Variants in COBL observed in about 807,000 individuals in gnomAD.
COBL encodes cordon-bleu WH2 repeat protein, also known as protein cordon-bleu.
COBL carries 51 observed loss-of-function variants against 98.8 expected under a neutral mutation model. That is an observed-to-expected ratio of 0.52 (90% CI 0.41 to 0.65). COBL has a LOEUF of 0.65. COBL is among the 30% of genes least tolerant of loss of function. The pLI is 0.00. For synonymous variants in COBL, 634 were observed against 651.7 expected, an observed-to-expected ratio of 0.97 and a Z score of 0.41; for missense variants, 1,617 against 1,617.5, an observed-to-expected ratio of 1.00 and a Z score of 0.01.
At chr7:51,074,191 ATT>A (rs369421469) in intron 7 of COBL, among the ~76,000 whole-genome samples, 775 of 100,462 alleles carry the variant, frequency 7.7e-3, no homozygotes, top group African/African-American at 0.019. Flanking sequence ...CAAGGTAATG[ATT>A]TTTTTTTTTT....
chr7:51,176,123 C>T (rs1172974440), intron 5 of COBL, among the ~76,000 whole-genome samples: 1 of 152,136 alleles, frequency 6.6e-6, no homozygotes. Context: ...TGAAGTTTTT[C>T]TGGTGGCTCT....
At chr7:51,307,173 C>T (rs978435363) in intron 1 of COBL, among the ~76,000 whole-genome samples, 2 of 151,894 alleles carry the variant, frequency 1.3e-5, no homozygotes, top group African/African-American at 2.4e-5. Context: ...GGTGAAACCC[C>T]GGCTCTACTA....
intron 4 of COBL, among the ~76,000 whole-genome samples, chr7:51,189,192 TA>T (rs1353968494): frequency 6.6e-6 from 1 of 152,196 alleles, no homozygotes; most frequent in Non-Finnish European, 1.5e-5. Flanking sequence ...CCATGTATCT[TA>T]TACTCAACTG....
chr7:51,234,716 AAAAG>A (rs1554440870), intron 1 of COBL, among the ~76,000 whole-genome samples: 40 of 151,328 alleles, frequency 2.6e-4, no homozygotes, highest in South Asian at 8.6e-4. Flanking sequence ...AAAAAAAAAA[AAAAG>A]AAAGAAAGAA....
At chr7:51,316,490 G>T (rs962716750) in intron 1 of COBL, 103 bp downstream of exon 1, 7 of 854,452 alleles carry the variant, frequency 8.2e-6, no homozygotes, top group Admixed American at 9.3e-5. Flanking sequence ...CACCCGCTGG[G>T]GCGGCAGAGA....
chr7:51,158,305 C>T (rs1484545993), intron 5 of COBL, among the ~76,000 whole-genome samples: 1 of 152,042 alleles, frequency 6.6e-6, no homozygotes, highest in Non-Finnish European at 1.5e-5. Context: ...GGAGAAGAGA[C>T]CCTCAAGGTG....
chr7:51,103,494 C>T (rs1795992504), intron 6 of COBL, among the ~76,000 whole-genome samples: 2 of 152,066 alleles, frequency 1.3e-5, no homozygotes, highest in Non-Finnish European at 2.9e-5. Context: ...TTCTCTCCGC[C>T]CTTTTTTGGT....
chr7:51,170,537 A>G (rs926386995), intron 5 of COBL, among the ~76,000 whole-genome samples: 1 of 147,726 alleles, frequency 6.8e-6, no homozygotes, highest in African/African-American at 2.5e-5. Context: ...ATATAAATAT[A>G]TATCACATAC....
intron 1 of COBL, among the ~76,000 whole-genome samples, chr7:51,245,038 C>T (rs887448500): frequency 6.6e-6 from 1 of 152,094 alleles, no homozygotes; most frequent in African/African-American, 2.4e-5. Context: ...AAAGAGGAAA[C>T]GCCTCCAAAG....
chr7:51,063,854 T>G (rs956821297), intron 7 of COBL, among the ~76,000 whole-genome samples: 6 of 152,254 alleles, frequency 3.9e-5, no homozygotes, highest in Admixed American at 6.5e-5. Context: ...CTAAATGTTC[T>G]ACATGTATTT....
intron 8 of COBL, among the ~76,000 whole-genome samples, chr7:51,039,262 G>C (rs762592935): frequency 1.3e-5 from 2 of 152,246 alleles, no homozygotes; most frequent in Non-Finnish European, 2.9e-5. Context: ...CTGCTGTTTA[G>C]TGTTCTAATA....
intron 1 of COBL, among the ~76,000 whole-genome samples, chr7:51,278,630 T>G (rs1584388423): frequency 6.6e-6 from 1 of 152,240 alleles, no homozygotes; most frequent in Admixed American, 6.5e-5. Context: ...TCTACCCACC[T>G]CAGCCTCCCA....
intron 12 of COBL, among the ~76,000 whole-genome samples, chr7:51,023,828 A>T (rs1268882230): frequency 6.6e-6 from 1 of 152,106 alleles, no homozygotes; most frequent in African/African-American, 2.4e-5. Context: ...ACAGCTTGTG[A>T]CCTGGGGATG....
chr7:51,092,094 G>A (rs1043426058), intron 6 of COBL, among the ~76,000 whole-genome samples: 7 of 152,290 alleles, frequency 4.6e-5, no homozygotes, highest in South Asian at 2.1e-4. Context: ...GAGTGGCCAC[G>A]TTAGATTCTC....
At chr7:51,177,213 C>T (rs1478545154) in intron 5 of COBL, among the ~76,000 whole-genome samples, 1 of 152,134 alleles carries the variant, frequency 6.6e-6, no homozygotes, top group Admixed American at 6.5e-5. Flanking sequence ...CAGAGCTACG[C>T]TACATGTCTT....
chr7:51,298,800 G>A (rs1256280652), intron 1 of COBL, among the ~76,000 whole-genome samples: 1 of 152,146 alleles, frequency 6.6e-6, no homozygotes, highest in Admixed American at 6.5e-5. Context: ...CCACTAACAT[G>A]ATACTGTACC....
chr7:51,258,952 C>T (rs750016005), intron 1 of COBL, among the ~76,000 whole-genome samples: 1 of 152,086 alleles, frequency 6.6e-6, no homozygotes, highest in Admixed American at 6.5e-5. Context: ...CTATTAGTAC[C>T]AGCCTCCTCT....
intron 7 of COBL, among the ~76,000 whole-genome samples, chr7:51,064,220 G>A (rs536215275): frequency 4.6e-5 from 7 of 152,272 alleles, no homozygotes; most frequent in Admixed American, 2.6e-4. Flanking sequence ...TGTGGCTGAT[G>A]TGGGGTAAGT....
At chr7:51,073,125 C>T in intron 7 of COBL, 2 of 384,830 alleles carry the variant, frequency 5.2e-6, no homozygotes, top group Non-Finnish European at 9.2e-6. Context: ...ATATTATCAA[C>T]CTAAAATTTG....
Sources: allele counts gnomAD v4.1 joint callset (sites outside exome capture counted in the v4.1 genomes callset), GRCh38; gene constraint gnomAD v4.1.1; transcripts MANE v1.5; gene names NCBI Gene and HGNC (gene_info 2026-07-23, HGNC 2026-07-21).